NAA16: variants seen among roughly 807,000 people sequenced by gnomAD.
The protein encoded by NAA16 is NARG1-like protein.
A neutral mutation model predicts 110.3 loss-of-function variants in NAA16; 97 were observed. The observed-to-expected ratio is 0.88, with a 90% confidence interval of 0.75 to 1.04. The LOEUF (loss-of-function observed/expected upper bound fraction) is 1.04, where lower values mean the gene tolerates loss of function less well. Among genes scored for constraint, NAA16 ranks in the 50% least tolerant of loss-of-function variants. NAA16 has a pLI of 0.00. For missense variants in NAA16, 1,017 were observed against 1,005.1 expected (o/e 1.01, Z -0.16); for synonymous variants, 372 against 330.6 (o/e 1.13, Z -1.36).
chr13:41,358,242 G>T, intron 10 of NAA16, 62 bp from the exon 11 acceptor site: 2 of 1,386,744 alleles, frequency 1.4e-6, no homozygotes, highest in East Asian at 2.4e-5. Context: ...AATTAGGAGA[G>T]AGAAAATATG....
At chr13:41,370,398 G>C (rs1386698881) in intron 15 of NAA16, among the ~76,000 whole-genome samples, 1 of 152,162 alleles carries the variant, frequency 6.6e-6, no homozygotes, top group Non-Finnish European at 1.5e-5. Context: ...TATTAGTAAG[G>C]AAAATAAGCG....
intron 16 of NAA16, 34 bp downstream of exon 16, chr13:41,372,345 T>C: frequency 6.4e-7 from 1 of 1,552,724 alleles, no homozygotes; most frequent in Non-Finnish European, 8.7e-7. Flanking sequence ...TTTTAATCTT[T>C]AATTATATTT....
chr13:41,369,635 T>C (rs1273056195), intron 15 of NAA16, among the ~76,000 whole-genome samples: 1 of 152,168 alleles, frequency 6.6e-6, no homozygotes, highest in African/African-American at 2.4e-5. Context: ...GGATTGTCCA[T>C]GTGGTCCTAA....
intron 10 of NAA16, among the ~76,000 whole-genome samples, chr13:41,355,833 T>TAGAAA (rs2042967576): frequency 2.0e-5 from 3 of 152,336 alleles, no homozygotes; most frequent in African/African-American, 7.2e-5. Flanking sequence ...ATCCCTAAAT[T>TAGAAA]CTCTGCTTTT....
Position 41,369,011 on chromosome 13 carries a change from A to G in NAA16, c.1754-79A>G, listed in dbSNP as rs149778780. ...CCCACTGATACCAAGGGACAACCAT[A>G]CTAACAGTATGTATTACAGAAGAAT... On this transcript the variant is annotated intron_variant, in intron 14 of 19. Transcript: ENST00000379406. 7.6e-4 allele frequency: 953 copies of G among 1,260,798 alleles called. 9 individuals carry two copies. The African/African-American group carries it at 0.013, about 17-fold the overall frequency. 78.1% of individuals were successfully genotyped at this position (1,260,798 alleles called of 1,614,324 possible).
chr13:41,343,675 G>T (rs1274669871), intron 9 of NAA16, among the ~76,000 whole-genome samples: 2 of 152,080 alleles, frequency 1.3e-5, no homozygotes. Context: ...GACTACAGGC[G>T]CACACCGCCA....
intron 19 of NAA16, 30 bp from the exon 20 acceptor site, chr13:41,375,375 A>G: frequency 6.5e-7 from 1 of 1,526,882 alleles, no homozygotes; most frequent in Non-Finnish European, 9.0e-7. Context: ...TTATTTTTAA[A>G]TAATTTGTGT....
chr13:41,343,340 T>G (rs2042601964), intron 9 of NAA16, among the ~76,000 whole-genome samples: 1 of 152,164 alleles, frequency 6.6e-6, no homozygotes, highest in Non-Finnish European at 1.5e-5. Context: ...TTCTCCTGCC[T>G]TAGAATCCCA....
Position 41,374,797 on chromosome 13 carries a change from A to G in NAA16, c.2355A>G (p.Ile785Met), listed in dbSNP as rs768613975. The G allele has an allele frequency of 6.2e-7, 1 of 1,612,964 alleles. No homozygotes were observed. Among genetic ancestry groups the G allele is most frequent in the Non-Finnish European group, 8.5e-7 (1 of 1,179,298 alleles). ...DKSRQEKAIA[I>M]ATRLDETIKD... Reference sequence around the variant, plus strand: ...CAAGGCAGGAGAAAGCAATTGCTATAGCCACTAGACTAGATGAAACTATAA... The same window carrying G: ...CAAGGCAGGAGAAAGCAATTGCTATGGCCACTAGACTAGATGAAACTATAA... The change falls in exon 19 of 20, where the codon ATA (isoleucine) becomes ATG (methionine). Residue 785 changes from isoleucine to methionine, a missense_variant. Ile to Met is a conservative substitution (Grantham distance 10). Transcript: ENST00000379406.
At chr13:41,355,079 C>T in intron 9 of NAA16, 65 bp from the exon 10 acceptor site, 2 of 987,258 alleles carry the variant, frequency 2.0e-6, no homozygotes, top group Non-Finnish European at 3.1e-6. Flanking sequence ...GTAATTTAAA[C>T]CATAATAGGT....
chr13:41,330,141 AT>A (rs1489848323), intron 7 of NAA16, among the ~76,000 whole-genome samples: 1 of 151,828 alleles, frequency 6.6e-6, no homozygotes, highest in Admixed American at 6.6e-5. Context: ...GGTCTTTAAT[AT>A]TTTGTGAAGT....
At chr13:41,323,765 A>G (rs1054916640) in intron 5 of NAA16, among the ~76,000 whole-genome samples, 1 of 151,808 alleles carries the variant, frequency 6.6e-6, no homozygotes, top group East Asian at 1.9e-4. Flanking sequence ...GATTACAGGC[A>G]TGAGCCACCA....
rs189824692 is a variant in NAA16, at chr13:41,322,169, G to T, written c.403-887G>T. ...AGGCTGATGTAGAAGGATTGCTTGA[G>T]CCCAGGAGTTTAGTCCAGCCTGGGC... On this transcript the variant is annotated intron_variant, in intron 4 of 19. Coordinates refer to ENST00000379406, the MANE Select transcript of NAA16 (RefSeq NM_024561.5). Among the ~76,000 whole-genome samples the T allele has an allele frequency of 3.4e-3, 515 of 152,250 alleles. 4 individuals carry two copies. Among genetic ancestry groups the T allele is most frequent in the African/African-American group, 0.012 (490 of 41,548 alleles).
intron 9 of NAA16, among the ~76,000 whole-genome samples, chr13:41,348,121 A>G (rs1257407577): frequency 1.3e-5 from 2 of 152,012 alleles, no homozygotes; most frequent in East Asian, 1.9e-4. Flanking sequence ...AAAAAAATCT[A>G]TTGATATATG....
intron 16 of NAA16, 39 bp downstream of exon 16, chr13:41,372,350 A>G: frequency 6.5e-7 from 1 of 1,548,382 alleles, no homozygotes; most frequent in Non-Finnish European, 8.7e-7. Flanking sequence ...ATCTTTAATT[A>G]TATTTGTGAC....
chr13:41,346,481 G>T (rs1372817459), intron 9 of NAA16, among the ~76,000 whole-genome samples: 1 of 152,232 alleles, frequency 6.6e-6, no homozygotes, highest in Non-Finnish European at 1.5e-5. Context: ...GCCATGCCAT[G>T]CTGGGCCACT....
intron 18 of NAA16, among the ~76,000 whole-genome samples, chr13:41,374,240 T>C (rs2043383199): frequency 6.6e-6 from 1 of 151,908 alleles, no homozygotes; most frequent in South Asian, 2.1e-4. Flanking sequence ...CTGTGTTTCA[T>C]TTTTTAAAAT....
chr13:41,325,258 G>C (rs189827671), intron 5 of NAA16, among the ~76,000 whole-genome samples: 1 of 141,632 alleles, frequency 7.1e-6, no homozygotes, highest in African/African-American at 2.7e-5. Context: ...CCTGGCCAAC[G>C]GAACTTACAT....
intron 10 of NAA16, among the ~76,000 whole-genome samples, chr13:41,356,092 A>C (rs1224053646): frequency 1.3e-5 from 2 of 151,794 alleles, no homozygotes; most frequent in African/African-American, 4.8e-5. Context: ...TGATCCTCCC[A>C]CCTCAGCCTG....
Sources: allele counts gnomAD v4.1 joint callset (sites outside exome capture counted in the v4.1 genomes callset), GRCh38; gene constraint gnomAD v4.1.1; transcripts MANE v1.5; gene names NCBI Gene and HGNC (gene_info 2026-07-23, HGNC 2026-07-21).